Variants in CNTN5 observed in about 807,000 individuals in gnomAD.
CNTN5 encodes the protein contactin-5.
Under a neutral mutation model 129.1 loss-of-function variants are expected in CNTN5, and 77 were observed. The ratio of observed to expected loss-of-function variants is 0.60; its 90% CI spans 0.50 to 0.72. The LOEUF is 0.72. Ranked by LOEUF, CNTN5 falls within the 30% of genes least tolerant of loss-of-function variation. The pLI, the probability that CNTN5 is intolerant of heterozygous loss-of-function variation, is 0.00. For missense variants in CNTN5, 1,478 were observed against 1,328.8 expected (o/e 1.11, Z -1.75); for synonymous variants, 509 against 465.6 (o/e 1.09, Z -1.20).
intron 7 of CNTN5, among the ~76,000 whole-genome samples, chr11:99,953,245 T>A (rs116669732): frequency 3.3e-4 from 51 of 152,286 alleles, no homozygotes; most frequent in African/African-American, 1.2e-3. Context: ...TCTGTAGATG[T>A]GGAAATGCGT....
chr11:99,939,743 ATAAGTCCCT>A (rs1348372812), intron 7 of CNTN5, among the ~76,000 whole-genome samples: 1 of 152,138 alleles, frequency 6.6e-6, no homozygotes, highest in Non-Finnish European at 1.5e-5. Flanking sequence ...TCAAAGGTAA[ATAAGTCCCT>A]TATCATTCTG....
chr11:99,579,102 G>C (rs1359159329), intron 3 of CNTN5, among the ~76,000 whole-genome samples: 1 of 151,758 alleles, frequency 6.6e-6, no homozygotes, highest in African/African-American at 2.4e-5. Flanking sequence ...TTTCCCCATT[G>C]CTTGTTTTTG....
chr11:99,052,433 T>G (rs1864464481), intron 1 of CNTN5, among the ~76,000 whole-genome samples: 1 of 151,910 alleles, frequency 6.6e-6, no homozygotes, highest in Non-Finnish European at 1.5e-5. Flanking sequence ...CTTAATGTGT[T>G]ATAACTGTCT....
At chr11:99,303,790 C>T (rs1317505665) in intron 1 of CNTN5, among the ~76,000 whole-genome samples, 1 of 152,004 alleles carries the variant, frequency 6.6e-6, no homozygotes, top group Non-Finnish European at 1.5e-5. Flanking sequence ...ATTTAAAGTT[C>T]TAAAAAGTTA....
At chr11:99,616,992 T>C (rs1349021292) in intron 3 of CNTN5, among the ~76,000 whole-genome samples, 1 of 152,136 alleles carries the variant, frequency 6.6e-6, no homozygotes, top group African/African-American at 2.4e-5. Context: ...GTGCCTGTAA[T>C]CCCAGCTACT....
chr11:100,043,798 T>G (rs1000265358), intron 9 of CNTN5, among the ~76,000 whole-genome samples: 8 of 152,164 alleles, frequency 5.3e-5, no homozygotes, highest in African/African-American at 1.9e-4. Flanking sequence ...GTTCTCTTAA[T>G]ACTGTCTCCT....
chr11:99,688,780 C>A (rs962451931), intron 3 of CNTN5, among the ~76,000 whole-genome samples: 3 of 152,030 alleles, frequency 2.0e-5, no homozygotes, highest in Admixed American at 6.6e-5. Context: ...CTGACAGGCC[C>A]CAGTGTGTGT....
intron 6 of CNTN5, among the ~76,000 whole-genome samples, chr11:99,884,528 A>C (rs1948849372): frequency 6.6e-6 from 1 of 152,146 alleles, no homozygotes; most frequent in Non-Finnish European, 1.5e-5. Flanking sequence ...ACAAATATTT[A>C]AAGATGCAGT....
intron 2 of CNTN5, among the ~76,000 whole-genome samples, chr11:99,388,982 C>T (rs988533754): frequency 7.5e-5 from 9 of 120,428 alleles, no homozygotes; most frequent in African/African-American, 1.9e-4. Flanking sequence ...TTCTCCAGTC[C>T]TTATTTTATT....
At chr11:99,263,331 T>C (rs1862733414) in intron 1 of CNTN5, among the ~76,000 whole-genome samples, 1 of 152,132 alleles carries the variant, frequency 6.6e-6, no homozygotes, top group Admixed American at 6.6e-5. Context: ...GATCAATGAT[T>C]GTGCATGTCA....
At chr11:99,437,312 T>C (rs1158049727) in intron 2 of CNTN5, among the ~76,000 whole-genome samples, 1 of 152,138 alleles carries the variant, frequency 6.6e-6, no homozygotes, top group African/African-American at 2.4e-5. Flanking sequence ...GTTTTGCCGC[T>C]TTATGTTTCT....
At chr11:99,786,212 T>C (rs551327961) in intron 3 of CNTN5, among the ~76,000 whole-genome samples, 15 of 152,048 alleles carry the variant, frequency 9.9e-5, no homozygotes, top group African/African-American at 3.1e-4. Context: ...ACACCAATAA[T>C]AGACAAACAG....
intron 13 of CNTN5, among the ~76,000 whole-genome samples, chr11:100,169,656 G>A (rs1274254474): frequency 6.6e-6 from 1 of 151,944 alleles, no homozygotes; most frequent in Non-Finnish European, 1.5e-5. Context: ...ACTTTTGTAT[G>A]CATTGGAAAA....
intron 2 of CNTN5, among the ~76,000 whole-genome samples, chr11:99,551,627 T>C (rs1209846556): frequency 6.6e-6 from 1 of 152,172 alleles, no homozygotes; most frequent in Non-Finnish European, 1.5e-5. Context: ...GTGTGAACAC[T>C]GTAGAGTTTA....
intron 3 of CNTN5, among the ~76,000 whole-genome samples, chr11:99,674,049 G>C (rs926402367): frequency 6.6e-6 from 1 of 152,112 alleles, no homozygotes; most frequent in Non-Finnish European, 1.5e-5. Flanking sequence ...TTCCACAATG[G>C]TTGAACTAAT....
chr11:99,648,364 A>T (rs988207895), intron 3 of CNTN5, among the ~76,000 whole-genome samples: 3 of 151,924 alleles, frequency 2.0e-5, no homozygotes, highest in Non-Finnish European at 2.9e-5. Flanking sequence ...AAACCACAAT[A>T]AGCTGTCATC....
At chr11:99,986,658 C>A (rs1792202765) in intron 8 of CNTN5, among the ~76,000 whole-genome samples, 2 of 152,314 alleles carry the variant, frequency 1.3e-5, no homozygotes, top group East Asian at 1.9e-4. Context: ...CTCCCTCCAA[C>A]TTCCATCCTT....
At chr11:99,148,892 T>A (rs1859914162) in intron 1 of CNTN5, among the ~76,000 whole-genome samples, 1 of 152,142 alleles carries the variant, frequency 6.6e-6, no homozygotes, top group African/African-American at 2.4e-5. Context: ...TTATGTTTTT[T>A]TAAATATTCA....
intron 1 of CNTN5, among the ~76,000 whole-genome samples, chr11:99,229,287 C>A (rs1860856663): frequency 6.6e-6 from 1 of 152,048 alleles, no homozygotes; most frequent in South Asian, 2.1e-4. Context: ...AATGTGCATT[C>A]AATGTGGCTT....
Sources: gnomAD v4.1 joint callset for allele counts (sites outside exome capture counted in the v4.1 genomes callset) on GRCh38, gnomAD v4.1.1 for gene constraint, MANE v1.5 for transcripts, NCBI Gene and HGNC (gene_info 2026-07-23, HGNC 2026-07-21) for gene names.